The following PI15 variants were observed in gnomAD, a reference collection of about 807,000 sequenced individuals.
The protein encoded by PI15 is peptidase inhibitor 15, also known as 25 kDa trypsin inhibitor.
A neutral mutation model predicts 31.0 loss-of-function variants in PI15; 18 were observed. That is an observed-to-expected ratio of 0.58 (90% confidence interval 0.40 to 0.86). The LOEUF (loss-of-function observed/expected upper bound fraction) is 0.86. Among genes scored for constraint, PI15 ranks in the 40% least tolerant of loss-of-function variants. The pLI is 0.00. For synonymous variants in PI15, 118 were observed against 119.1 expected (o/e 0.99, Z 0.06); for missense variants, 282 against 328.1 (o/e 0.86, Z 1.09).
intron 1 of PI15, 70 bp from the exon 2 acceptor site, chr8:74,825,140 T>C: frequency 1.2e-6 from 1 of 854,310 alleles, no homozygotes; most frequent in East Asian, 2.4e-5. Context: ...CCAAATGATG[T>C]CTTTGTAAAT....
intron 2 of PI15, among the ~76,000 whole-genome samples, chr8:74,833,846 G>T (rs1050018204): frequency 1.3e-5 from 2 of 152,170 alleles, no homozygotes; most frequent in Admixed American, 6.5e-5. Context: ...TAAATCAGGG[G>T]TCTCCCCAAT....
At chr8:74,836,907 C>G (rs1481935847) in intron 2 of PI15, among the ~76,000 whole-genome samples, 1 of 152,098 alleles carries the variant, frequency 6.6e-6, no homozygotes, top group Non-Finnish European at 1.5e-5. Flanking sequence ...ACAACTCTCT[C>G]AAGGAATTTT....
intron 5 of PI15, among the ~76,000 whole-genome samples, chr8:74,847,204 G>C (rs1811038260): frequency 6.6e-6 from 1 of 152,102 alleles, no homozygotes; most frequent in Admixed American, 6.5e-5. Context: ...CCAGCACTTT[G>C]GGAGGCTGAG....
chr8:74,849,246 T>C lies in PI15; in HGVS notation c.770T>C (p.Phe257Ser). The C allele has an allele frequency of 1.9e-6, 3 of 1,610,798 alleles. No individual in the cohort carries two copies. The highest frequency in any genetic ancestry group is 2.5e-6 in the Non-Finnish European group (3 of 1,177,948). ...GTTACGTCAAACTACCTGTACTGGT[T>C]TAAATAAGTTTACCTTTTCCTCCAG... The part of the protein sequence containing the change: ...PGVTSNYLYW[F>S]K The change falls in exon 6 of 6, where the codon TTT becomes TCT. Residue 257 changes from phenylalanine (F) to serine (S), a missense_variant. Phe to Ser is a radical substitution (Grantham distance 155). Coordinates refer to ENST00000260113, the MANE Select transcript of PI15 (RefSeq NM_015886.5).
chr8:74,825,189 C>G, intron 1 of PI15, 21 bp from the exon 2 acceptor site: 3 of 1,494,586 alleles, frequency 2.0e-6, no homozygotes, highest in Non-Finnish European at 1.9e-6. Flanking sequence ...TAGACCCTAA[C>G]TCTACCTTTC....
In PI15 at chr8:74,852,563, T is replaced by C. The variant is rs919513391; in HGVS notation, c.*3310T>C. 3.3e-5 allele frequency: 5 copies of C among 152,130 alleles called. No individual in the cohort carries two copies. Among genetic ancestry groups the C allele is most frequent in the Non-Finnish European group, 7.4e-5 (5 of 67,970 alleles). The allele number at this position is 152,130 out of a possible 1,614,324, so 9.4% of individuals were successfully genotyped here. On this transcript the variant is annotated 3_prime_UTR_variant, in exon 6 of 6. Coordinates refer to ENST00000260113, the MANE Select transcript of PI15 (RefSeq NM_015886.5). The stretch of plus-strand genomic sequence containing the variant: ...GCGCCATAACATTCATTTAAAAAGT[T>C]TATGAAAACATTCATTTGAAAGTTC...
intron 2 of PI15, chr8:74,826,397 C>A (rs1810700977): frequency 2.9e-6 from 1 of 344,174 alleles, no homozygotes; most frequent in Non-Finnish European, 4.1e-6. Context: ...TTTATATGTG[C>A]TGAATTAAAA....
chr8:74,827,708 C>T (rs1810719949), intron 2 of PI15, among the ~76,000 whole-genome samples: 1 of 152,180 alleles, frequency 6.6e-6, no homozygotes, highest in South Asian at 2.1e-4. Context: ...ATGGCAGGAC[C>T]CCTGAAGATG....
intron 2 of PI15, among the ~76,000 whole-genome samples, chr8:74,832,925 T>C (rs1180309886): frequency 6.6e-6 from 1 of 152,050 alleles, no homozygotes; most frequent in Non-Finnish European, 1.5e-5. Flanking sequence ...CACAATAATG[T>C]TTTCTAGTAA....
At chr8:74,833,197 T>A (rs1345021144) in intron 2 of PI15, among the ~76,000 whole-genome samples, 1 of 152,132 alleles carries the variant, frequency 6.6e-6, no homozygotes, top group African/African-American at 2.4e-5. Context: ...AATCTCTTCC[T>A]GGCTTATAAT....
chr8:74,843,522 G>A (rs1343648293), intron 2 of PI15, among the ~76,000 whole-genome samples: 2 of 152,154 alleles, frequency 1.3e-5, no homozygotes, highest in Non-Finnish European at 2.9e-5. Flanking sequence ...GAGGTCAGGA[G>A]TTCCAGACCA....
intron 2 of PI15, among the ~76,000 whole-genome samples, chr8:74,835,218 T>G (rs760657753): frequency 6.6e-6 from 1 of 152,148 alleles, no homozygotes; most frequent in Non-Finnish European, 1.5e-5. Context: ...TTTAAAAATT[T>G]TGGATTTTCA....
chr8:74,847,185 C>G (rs1019223213), intron 5 of PI15, among the ~76,000 whole-genome samples: 2 of 152,114 alleles, frequency 1.3e-5, no homozygotes, highest in African/African-American at 4.8e-5. Context: ...ATGGCTCACT[C>G]CTGTAATCCC....
chr8:74,851,393 T>C lies in PI15; in HGVS notation c.*2140T>C, dbSNP rs576545098. 27 of 152,182 alleles carry C rather than the reference T, an allele frequency of 1.8e-4. No homozygotes were observed. The highest frequency in any genetic ancestry group is 6.5e-4 in the African/African-American group (27 of 41,576). The allele number at this position is 152,182 out of a possible 1,614,324, so 9.4% of individuals were successfully genotyped here. On this transcript the variant is annotated 3_prime_UTR_variant, in exon 6 of 6. Coordinates refer to ENST00000260113, the MANE Select transcript of PI15 (RefSeq NM_015886.5). ...AAGATGGCTACACTAAGTTCCAATT[T>C]TGTTGCTGAATTGCTTCTGTGAGTT...
At chr8:74,839,181 T>C (rs1810911032) in intron 2 of PI15, among the ~76,000 whole-genome samples, 1 of 152,238 alleles carries the variant, frequency 6.6e-6, no homozygotes, top group Non-Finnish European at 1.5e-5. Flanking sequence ...GAATTCTGGA[T>C]ATGTGTCATG....
At position 74,825,312 on chromosome 8, in the gene PI15, C is replaced by A; in HGVS notation, c.63C>A (p.Thr21=). 1.2e-6 allele frequency: 2 copies of A among 1,613,004 alleles called. No homozygotes were observed. The highest frequency in any genetic ancestry group is 2.2e-5 in the South Asian group (2 of 91,052). Residue 21 remains threonine, a synonymous_variant, in exon 2 of 6, where the codon ACC becomes ACA. Transcript: ENST00000260113. ...TCTCCCTTCTCTGTGAAGCAAGTACCGTCGTCCTACTCAATTCCACTGACT... is the reference window on the plus strand; with the variant it reads ...TCTCCCTTCTCTGTGAAGCAAGTACAGTCGTCCTACTCAATTCCACTGACT... ...LLFSLLCEAS[T]VVLLNSTDSS...
chr8:74,849,512 C>A lies in PI15; in HGVS notation c.*259C>A. On this transcript the variant is annotated 3_prime_UTR_variant, in exon 6 of 6. Coordinates refer to ENST00000260113, the MANE Select transcript of PI15 (RefSeq NM_015886.5). ...TGTAATGATGACATAGTTGATGCAT[C>A]CAATCCTAAAACTTACATTCCAAAG... 1 of 322,352 alleles carries A rather than the reference C, an allele frequency of 3.1e-6. No homozygotes were observed. 20.0% of individuals were successfully genotyped at this position (322,352 alleles called of 1,614,324 possible). A position where few individuals can be genotyped will look rare whatever the true frequency, so the allele number is the denominator to read the frequency against.
chr8:74,845,568 C>G, intron 5 of PI15, 71 bp downstream of exon 5: 2 of 927,296 alleles, frequency 2.2e-6, no homozygotes, highest in East Asian at 2.4e-5. Context: ...TGATAGTTAT[C>G]TGTGACAGGT....
rs182824600 is a variant in PI15 at position 74,834,390 on chromosome 8, C to G, written c.273+8868C>G. Reference sequence around the variant, plus strand: ...ACTCACAGGCTAGAGCATCCAGTCTCAGAATGTATATTAAGAGGGAAGAAA... The same window carrying G: ...ACTCACAGGCTAGAGCATCCAGTCTGAGAATGTATATTAAGAGGGAAGAAA... On this transcript the variant is annotated intron_variant, in intron 2 of 5. Coordinates refer to ENST00000260113, the MANE Select transcript of PI15 (RefSeq NM_015886.5). Among the ~76,000 whole-genome samples, 5 of 152,260 alleles carry G rather than the reference C, an allele frequency of 3.3e-5. No homozygotes were observed. The East Asian group carries it at 9.7e-4, about 29-fold the overall frequency.
Sources: gnomAD v4.1 joint callset for allele counts (sites outside exome capture counted in the v4.1 genomes callset) on GRCh38, gnomAD v4.1.1 for gene constraint, MANE v1.5 for transcripts, NCBI Gene and HGNC (gene_info 2026-07-23, HGNC 2026-07-21) for gene names.